Variants in RGS12 observed in about 807,000 individuals in gnomAD.
RGS12 encodes the protein regulator of G-protein signaling 12.
RGS12 carries 66 observed loss-of-function variants against 120.1 expected under a neutral mutation model. That is an observed-to-expected ratio of 0.55 (90% CI 0.45 to 0.67). The LOEUF (loss-of-function observed/expected upper bound fraction) is 0.67, where lower values mean the gene tolerates loss of function less well. Among genes scored for constraint, RGS12 ranks in the 30% least tolerant of loss-of-function variants. The pLI is 0.00. For missense variants in RGS12, 1,859 were observed against 1,957.7 expected (o/e 0.95, Z 0.95); for synonymous variants, 827 against 804.7 (o/e 1.03, Z -0.47).
At chr4:3,432,122 C>T (rs1390982024) in intron 17 of RGS12, 1 of 985,390 alleles carries the variant, frequency 1.0e-6, no homozygotes, top group African/African-American at 1.7e-5. Flanking sequence ...GTGGCTCTCA[C>T]CTGCGTTTTG....
At position 3,430,613 on chromosome 4, in the gene RGS12, G is replaced by A. The variant is rs1724172478; in HGVS notation, c.3772G>A (p.Gly1258Ser). ...CGGCCGGGAGAGCGCCTCCCAGCCT[G>A]GCGAGCAGTGGGAGCCAGTCCAGGA... The part of the protein sequence containing the change: ...GNGRESASQP[G>S]EQWEPVQESS... Residue 1258 changes from glycine to serine, a missense_variant, in exon 17 of 18, where the codon GGC becomes AGC. Coordinates refer to ENST00000336727, the MANE Select transcript of RGS12 (RefSeq NM_001394154.1). 1.2e-6 allele frequency: 2 copies of A among 1,610,724 alleles called. No individual in the cohort carries two copies. Among genetic ancestry groups the A allele is most frequent in the Middle Eastern group, 1.7e-4 (1 of 6,054 alleles).
At chr4:3,314,329 T>G (rs1206950210) in intron 1 of RGS12, 1 of 152,192 alleles carries the variant, frequency 6.6e-6, no homozygotes, top group Non-Finnish European at 1.5e-5. Flanking sequence ...ATGATCCTAT[T>G]GCTGGAAACT....
chr4:3,301,158 C>G (rs1331051241), intron 1 of RGS12, among the ~76,000 whole-genome samples: 1 of 150,828 alleles, frequency 6.6e-6, no homozygotes, highest in African/African-American at 2.4e-5. Flanking sequence ...CGGGGTCTGT[C>G]CCCGGCTGCC....
At chr4:3,293,142 C>T (rs1266149850) in intron 1 of RGS12, 43 bp downstream of exon 1, 1 of 146,028 alleles carries the variant, frequency 6.8e-6, no homozygotes, top group East Asian at 2.0e-4. Context: ...CAGGGCGCGC[C>T]GCCTCCGCTC....
intron 3 of RGS12, among the ~76,000 whole-genome samples, chr4:3,344,175 G>T (rs899659555): frequency 1.3e-5 from 2 of 152,204 alleles, no homozygotes; most frequent in African/African-American, 4.8e-5. Context: ...TGGCTTCAGG[G>T]ATGGCAGGGG....
intron 1 of RGS12, among the ~76,000 whole-genome samples, chr4:3,310,001 G>A (rs1724269408): frequency 1.3e-5 from 2 of 148,642 alleles, no homozygotes; most frequent in South Asian, 4.4e-4. Flanking sequence ...GTCCGCTGAG[G>A]GGAACCGTGT....
chr4:3,382,858 C>T (rs1718408998), intron 3 of RGS12, among the ~76,000 whole-genome samples: 1 of 152,214 alleles, frequency 6.6e-6, no homozygotes, highest in Admixed American at 6.5e-5. Flanking sequence ...TCGTGTTCTG[C>T]TTCAGCCTTT....
intron 3 of RGS12, among the ~76,000 whole-genome samples, chr4:3,357,224 ATTGT>A (rs1714979674): frequency 6.6e-6 from 1 of 151,512 alleles, no homozygotes; most frequent in Non-Finnish European, 1.5e-5. Flanking sequence ...TTTTAATTGG[ATTGT>A]TTGTTTTTGT....
Position 3,316,508 on chromosome 4 carries a change from T to C in RGS12, c.338T>C (p.Leu113Pro), listed in dbSNP as rs1485553130. The change falls in exon 2 of 18, where the codon CTC becomes CCC. Residue 113 changes from leucine (L) to proline (P), a missense_variant. Physicochemically the swap from Leu to Pro is moderately conservative, Grantham distance 98. Transcript: ENST00000336727. The stretch of plus-strand genomic sequence containing the variant: ...TGTTCCAGTGATGAAGAAGGGGGAC[T>C]CTATGAAGGAAAAGGCTGGCTGAAG... Reference protein sequence around the residue: ...ESCSSDEEGGLYEGKGWLKPK... With the variant: ...ESCSSDEEGGPYEGKGWLKPK... The C allele has an allele frequency of 1.9e-6, 3 of 1,614,180 alleles. 1 individual carries two copies. The South Asian group carries it at 3.3e-5, about 18-fold the overall frequency.
rs184207042 is a variant in RGS12, at chr4:3,316,275, G to A, written c.105G>A (p.Thr35=). The A allele has an allele frequency of 1.7e-4, 267 of 1,613,946 alleles. 3 individuals carry two copies. The East Asian group carries it at 5.6e-3, about 34-fold the overall frequency. ...GGGGGAGGGCCGGCTACGGATTCAC[G>A]CTTTCGGGACAGGCACCCTGTGTGC... The part of the protein sequence containing the change: ...VARGRAGYGF[T]LSGQAPCVLS... The change falls in exon 2 of 18, where the codon ACG becomes ACA. Residue 35 remains threonine (T), a synonymous_variant. Coordinates refer to ENST00000336727, the MANE Select transcript of RGS12 (RefSeq NM_001394154.1).
chr4:3,431,111 TG>T, intron 17 of RGS12, 156 bp downstream of exon 17: 1 of 1,438,942 alleles, frequency 6.9e-7, no homozygotes, highest in African/African-American at 1.4e-5. Flanking sequence ...TTGGCCCTCT[TG>T]GAAAGGAGGG....
At chr4:3,299,159 G>A (rs1385525381) in intron 1 of RGS12, among the ~76,000 whole-genome samples, 2 of 152,036 alleles carry the variant, frequency 1.3e-5, no homozygotes, top group Non-Finnish European at 2.9e-5. Flanking sequence ...GCTTGGTGCT[G>A]TTGACCTTCC....
rs1180061377 is a variant in RGS12, at chr4:3,414,781, A to G, written c.2220A>G (p.Glu740=). The part of the protein sequence containing the change: ...SDFLRKEFSE[E]NILFWQACEY... The stretch of plus-strand genomic sequence containing the variant: ...TTCTAAGGAAAGAATTCAGTGAAGA[A>G]AACATTTTATTCTGGCAGGCCTGTG... The change falls in exon 6 of 18, where the codon GAA becomes GAG. Residue 740 remains glutamate (E), a synonymous_variant. Transcript: ENST00000336727. The G allele has an allele frequency of 6.2e-7, 1 of 1,613,156 alleles. No individual in the cohort carries two copies. The highest frequency in any genetic ancestry group is 2.2e-5 in the East Asian group (1 of 44,884).
intron 3 of RGS12, among the ~76,000 whole-genome samples, chr4:3,373,718 C>T (rs551669902): frequency 2.0e-5 from 3 of 152,304 alleles, no homozygotes; most frequent in East Asian, 1.9e-4. Context: ...GCTTACCTTT[C>T]GCCCCAGACC....
rs3749554 is a variant in RGS12 at position 3,323,303 on chromosome 4, G to A, written c.1881+5252G>A. On this transcript the variant is annotated intron_variant, in intron 2 of 17. Transcript: ENST00000336727. The stretch of plus-strand genomic sequence containing the variant: ...TCATTCTCCACCATTTGTTCATGAC[G>A]ACATACCCAAAGGTACAATCACAGA... Among the ~76,000 whole-genome samples, 19 of 152,338 alleles carry A rather than the reference G, an allele frequency of 1.2e-4. No individual in the cohort carries two copies. The East Asian group carries it at 3.1e-3, about 25-fold the overall frequency.
At chr4:3,345,490 G>A (rs1274415704) in intron 3 of RGS12, among the ~76,000 whole-genome samples, 3 of 152,236 alleles carry the variant, frequency 2.0e-5, no homozygotes, top group African/African-American at 7.2e-5. Flanking sequence ...GGATGGAGCT[G>A]TCCCAGTTTG....
chr4:3,294,861 G>A (rs1723276298), intron 1 of RGS12, among the ~76,000 whole-genome samples: 1 of 152,176 alleles, frequency 6.6e-6, no homozygotes, highest in Admixed American at 6.5e-5. Flanking sequence ...CAGGGAGGTT[G>A]ACAAAGACAA....
chr4:3,428,095 G>T lies in RGS12; in HGVS notation c.3337G>T (p.Ala1113Ser), dbSNP rs556922956. ...TAAAGCTTTCTTATGTTTAGCATCC[G>T]CAGATAAACAGAAAGGTGTGCCAGT... ...EKDPSRGKAS[A>S]DKQKGVPVKQ... Residue 1113 changes from alanine (A) to serine (S), a missense_variant, in exon 15 of 18, where the codon GCA becomes TCA. Transcript: ENST00000336727. The T allele has an allele frequency of 4.3e-6, 7 of 1,613,126 alleles. No homozygotes were observed. The highest frequency in any genetic ancestry group is 3.3e-5 in the Admixed American group (2 of 60,004).
chr4:3,408,550 G>A (rs780580270), intron 4 of RGS12, among the ~76,000 whole-genome samples: 1 of 152,300 alleles, frequency 6.6e-6, no homozygotes, highest in African/African-American at 2.4e-5. Context: ...GACGTTTTCC[G>A]GTAGCCAGTT....
Sources: allele counts gnomAD v4.1 joint callset (sites outside exome capture counted in the v4.1 genomes callset), GRCh38; gene constraint gnomAD v4.1.1; transcripts MANE v1.5; gene names NCBI Gene and HGNC (gene_info 2026-07-23, HGNC 2026-07-21).